The following BCO2 variants were observed in gnomAD, a reference collection of about 807,000 sequenced individuals.
BCO2 encodes the protein carotenoid-cleaving dioxygenase, mitochondrial.
BCO2 carries 56 observed loss-of-function variants against 65.8 expected under a neutral mutation model. The ratio of observed to expected loss-of-function variants is 0.85; its 90% confidence interval spans 0.69 to 1.06. The LOEUF is 1.06. Among genes scored for constraint, BCO2 ranks in the 50% least tolerant of loss-of-function variants. The pLI, the probability that BCO2 is intolerant of heterozygous loss-of-function variation, is 0.00. For missense variants in BCO2, 675 were observed against 698.5 expected (o/e 0.97, Z 0.38); for synonymous variants, 233 against 242.3 (o/e 0.96, Z 0.36).
At chr11:112,186,426 A>G (rs1867202495) in intron 2 of BCO2, among the ~76,000 whole-genome samples, 1 of 152,180 alleles carries the variant, frequency 6.6e-6, no homozygotes, top group Admixed American at 6.5e-5. Context: ...CCTTGGACAG[A>G]TATCTTTAGG....
intron 8 of BCO2, among the ~76,000 whole-genome samples, chr11:112,203,378 G>C (rs1373287993): frequency 6.6e-6 from 1 of 152,062 alleles, no homozygotes; most frequent in Non-Finnish European, 1.5e-5. Flanking sequence ...TCTCTTTTCT[G>C]TTTTAAGATT....
chr11:112,208,187 C>T (rs1592861788), intron 8 of BCO2, among the ~76,000 whole-genome samples: 1 of 152,158 alleles, frequency 6.6e-6, no homozygotes, highest in Admixed American at 6.6e-5. Flanking sequence ...GTCTTGAACT[C>T]CTGACCTCAA....
intron 2 of BCO2, among the ~76,000 whole-genome samples, chr11:112,187,500 A>G (rs2135358842): frequency 6.6e-6 from 1 of 150,878 alleles, no homozygotes; most frequent in South Asian, 2.1e-4. Flanking sequence ...CCATCTTCTC[A>G]CAGGGTCTGC....
At position 112,191,358 on chromosome 11, in the gene BCO2, A is replaced by G. The variant is rs1379058697; in HGVS notation, c.294-2116A>G. On this transcript the variant is annotated intron_variant, in intron 2 of 11. Transcript: ENST00000357685. ...ATAATATCCTTCATATATGCAAACAATAATCAGAGAACATAATGGTAGGGA... is the reference window on the plus strand; with the variant it reads ...ATAATATCCTTCATATATGCAAACAGTAATCAGAGAACATAATGGTAGGGA... Among the ~76,000 whole-genome samples the G allele has an allele frequency of 2.0e-5, 3 of 152,302 alleles. No individual in the cohort carries two copies. The East Asian group carries it at 5.8e-4, about 29-fold the overall frequency.
At chr11:112,186,616 G>T (rs1170889360) in intron 2 of BCO2, among the ~76,000 whole-genome samples, 1 of 152,184 alleles carries the variant, frequency 6.6e-6, no homozygotes. Flanking sequence ...TCAGCATGCA[G>T]ACACAGTGAT....
intron 2 of BCO2, chr11:112,180,711 A>T: frequency 5.1e-6 from 4 of 784,634 alleles, no homozygotes; most frequent in Non-Finnish European, 9.4e-6. Context: ...GAGGAGAAAA[A>T]GGTGGGAGGA....
intron 8 of BCO2, among the ~76,000 whole-genome samples, chr11:112,204,193 T>G (rs1347858107): frequency 6.6e-6 from 1 of 152,216 alleles, no homozygotes; most frequent in Non-Finnish European, 1.5e-5. Context: ...ATGTTTCACT[T>G]AACATAATGT....
At chr11:112,216,168 G>T (rs974379386) in intron 10 of BCO2, 52 bp from the exon 11 acceptor site, 58 of 1,225,440 alleles carry the variant, frequency 4.7e-5, no homozygotes, top group Non-Finnish European at 6.6e-5. Context: ...GCCATAGAAA[G>T]CTCCCTACTT....
intron 8 of BCO2, among the ~76,000 whole-genome samples, chr11:112,206,858 A>G (rs1859356507): frequency 1.3e-5 from 2 of 152,160 alleles, no homozygotes; most frequent in Non-Finnish European, 2.9e-5. Flanking sequence ...ATATCCCTCC[A>G]TTTATTTGGG....
intron 5 of BCO2, among the ~76,000 whole-genome samples, chr11:112,195,867 A>C (rs562951784): frequency 5.3e-4 from 80 of 152,360 alleles, no homozygotes; most frequent in Non-Finnish European, 1.0e-3. Context: ...ATTCCGGTTT[A>C]GTAGAACTGA....
rs554418402 is a variant in BCO2, at chr11:112,175,571, T to A, written c.-31T>A. 6.5e-7 allele frequency: 1 copy of A among 1,550,070 alleles called. No individual in the cohort carries two copies. The highest frequency in any genetic ancestry group is 1.1e-5 in the South Asian group (1 of 89,756). On this transcript the variant is annotated 5_prime_UTR_variant, in exon 1 of 12. The change creates a new upstream start codon in the 5' untranslated region. Coordinates refer to ENST00000357685, the MANE Select transcript of BCO2 (RefSeq NM_031938.7). ...CTCAAAACTGCCAGTGTGAGAGGATTTGGAAATCACTGGATCTGCTCAATA... is the reference window on the plus strand; with the variant it reads ...CTCAAAACTGCCAGTGTGAGAGGATATGGAAATCACTGGATCTGCTCAATA...
intron 7 of BCO2, among the ~76,000 whole-genome samples, 194 bp downstream of exon 7, chr11:112,200,967 A>G (rs956769628): frequency 6.6e-6 from 1 of 152,200 alleles, no homozygotes; most frequent in African/African-American, 2.4e-5. Flanking sequence ...AGAGAATTAT[A>G]GGAAATGATT....
chr11:112,213,601 G>T, intron 8 of BCO2, 123 bp from the exon 9 acceptor site: 1 of 1,079,816 alleles, frequency 9.3e-7, no homozygotes. Context: ...GTAGATGAAT[G>T]AATGGAAATT....
rs535817524 is a variant in BCO2, at chr11:112,203,399, T to C, written c.1194+1209T>C. ...TTCTGTTTTAAGATTGCCTGGGTTT[T>C]TCATGGCCTTTTGCATGTCTATAAA... On this transcript the variant is annotated intron_variant, in intron 8 of 11. Coordinates refer to ENST00000357685, the MANE Select transcript of BCO2 (RefSeq NM_031938.7). Among the ~76,000 whole-genome samples, 3 of 152,236 alleles carry C rather than the reference T, an allele frequency of 2.0e-5. No individual in the cohort carries two copies. In the South Asian group the frequency reaches 6.2e-4, roughly 32 times the overall value.
chr11:112,203,904 G>A (rs1867801224), intron 8 of BCO2, among the ~76,000 whole-genome samples: 1 of 151,912 alleles, frequency 6.6e-6, no homozygotes, highest in African/African-American at 2.4e-5. Flanking sequence ...ACTCAGGCTG[G>A]AGTGCAGTGG....
chr11:112,181,335 C>T (rs1423099224), intron 2 of BCO2: 1 of 528,528 alleles, frequency 1.9e-6, no homozygotes, highest in Non-Finnish European at 3.4e-6. Flanking sequence ...GCGCCCGCCA[C>T]TACGCCCGGC....
chr11:112,184,253 ATT>A (rs1247050890), intron 2 of BCO2, among the ~76,000 whole-genome samples: 20 of 142,662 alleles, frequency 1.4e-4, no homozygotes, highest in African/African-American at 1.0e-4. Context: ...GGAATGAGGA[ATT>A]TTTTTTTTTT....
chr11:112,209,331 T>C (rs1566796232), intron 8 of BCO2, among the ~76,000 whole-genome samples: 1 of 152,362 alleles, frequency 6.6e-6, no homozygotes, highest in East Asian at 1.9e-4. Context: ...GAATGTCACA[T>C]AGTTGGAATC....
intron 5 of BCO2, among the ~76,000 whole-genome samples, chr11:112,196,193 G>A (rs1197518624): frequency 6.6e-6 from 1 of 152,034 alleles, no homozygotes; most frequent in African/African-American, 2.4e-5. Context: ...GAGTAATCCA[G>A]TTGCTGAGAC....
Sources: gnomAD v4.1 joint callset for allele counts (sites outside exome capture counted in the v4.1 genomes callset) on GRCh38, gnomAD v4.1.1 for gene constraint, MANE v1.5 for transcripts, NCBI Gene and HGNC (gene_info 2026-07-23, HGNC 2026-07-21) for gene names.